The following MTO1 variants were observed in gnomAD, a reference collection of about 807,000 sequenced individuals.
MTO1 encodes the protein 5-taurinomethyluridine-[tRNA] synthase subunit MTO1, mitochondrial.
In MTO1, 46 loss-of-function variants were observed where a neutral mutation model predicts 71.6. The ratio of observed to expected loss-of-function variants is 0.64; its 90% CI spans 0.51 to 0.82. The LOEUF (loss-of-function observed/expected upper bound fraction) is 0.82, where lower values mean the gene tolerates loss of function less well. MTO1 is among the 40% of genes least tolerant of loss of function. The pLI, the probability that MTO1 is intolerant of heterozygous loss-of-function variation, is 0.00. For synonymous variants in MTO1, 297 were observed against 312.1 expected (o/e 0.95, Z 0.51); for missense variants, 773 against 867.5 (o/e 0.89, Z 1.37).
chr6:73,473,706 C>T lies in MTO1; in HGVS notation c.825+52C>T, dbSNP rs986742224. The T allele has an allele frequency of 1.5e-5, 20 of 1,375,176 alleles. No individual in the cohort carries two copies. Among genetic ancestry groups the T allele is most frequent in the Non-Finnish European group, 1.9e-5 (19 of 1,018,204 alleles). The allele number at this position is 1,375,176 out of a possible 1,614,324, so 85.2% of individuals were successfully genotyped here. A position where few individuals can be genotyped will look rare whatever the true frequency, so the allele number is the denominator to read the frequency against. ...TACAGCTGGTATTGGCTATTCACAG[C>T]AGGAAGTACTGTAACTTTTTTTTTT... is the stretch of plus-strand genomic sequence containing the variant. On this transcript the variant is annotated intron_variant, in intron 4 of 11. Transcript: ENST00000498286.
At chr6:73,473,785 GA>G (rs1314465851) in intron 4 of MTO1, 131 bp downstream of exon 4, 18 of 628,098 alleles carry the variant, frequency 2.9e-5, no homozygotes, top group Admixed American at 2.3e-4. Flanking sequence ...GCAAAGAAAT[GA>G]TTTTTTTTTT....
chr6:73,485,001 C>G (rs989848235), intron 9 of MTO1, among the ~76,000 whole-genome samples: 3 of 149,470 alleles, frequency 2.0e-5, no homozygotes, highest in Non-Finnish European at 4.4e-5. Context: ...GAGCCGAAAT[C>G]ACACCACTGC....
intron 4 of MTO1, 92 bp downstream of exon 4, chr6:73,473,746 G>T: frequency 2.0e-6 from 2 of 1,016,404 alleles, no homozygotes; most frequent in Non-Finnish European, 2.8e-6. Context: ...TTTGGCAGCA[G>T]TTCACTTTAT....
intron 9 of MTO1, among the ~76,000 whole-genome samples, chr6:73,488,549 A>G (rs1221929166): frequency 6.6e-6 from 1 of 152,020 alleles, no homozygotes; most frequent in Admixed American, 6.6e-5. Context: ...ATTTACAAAT[A>G]TTTTCTCCCA....
At position 73,480,072 on chromosome 6, in the gene MTO1, G is replaced by C; in HGVS notation, c.1075G>C (p.Glu359Gln). ...LSMTLPAELQ[E>Q]KMITCIRGLE... The stretch of plus-strand genomic sequence containing the variant: ...TATGACGCTACCAGCTGAGTTACAA[G>C]AGAAAATGATCACATGCATCAGAGG... Residue 359 changes from glutamate (E) to glutamine (Q), a missense_variant, in exon 6 of 12, where the codon GAG (glutamate) becomes CAG (glutamine). Coordinates refer to ENST00000498286, the MANE Select transcript of MTO1 (RefSeq NM_012123.4). 1 of 1,614,174 alleles carries C rather than the reference G, an allele frequency of 6.2e-7. No individual in the cohort carries two copies. Among genetic ancestry groups the C allele is most frequent in the East Asian group, 2.2e-5 (1 of 44,884 alleles).
chr6:73,471,144 C>T (rs1771151904), intron 3 of MTO1, among the ~76,000 whole-genome samples: 1 of 148,952 alleles, frequency 6.7e-6, no homozygotes. Flanking sequence ...ACACACTGTT[C>T]CTCTGTACCT....
intron 10 of MTO1, among the ~76,000 whole-genome samples, chr6:73,495,562 T>TA (rs970332003): frequency 9.1e-4 from 133 of 146,458 alleles, no homozygotes; most frequent in South Asian, 2.6e-3. Flanking sequence ...TATCATGGCT[T>TA]AAAAAAAAAA....
At position 73,508,886 on chromosome 6, in the gene MTO1, C is replaced by T. The variant is rs767294069; in HGVS notation, c.*8151C>T. 2.6e-5 allele frequency: 4 copies of T among 152,188 alleles called. No homozygotes were observed. Among genetic ancestry groups the T allele is most frequent in the Admixed American group, 6.6e-5 (1 of 15,264 alleles). 9.4% of individuals were successfully genotyped at this position (152,188 alleles called of 1,614,324 possible). On this transcript the variant is annotated 3_prime_UTR_variant, in exon 12 of 12. Coordinates refer to ENST00000498286, the MANE Select transcript of MTO1 (RefSeq NM_012123.4). ...ATGGGGACTGTAGGTCAATGCTCCA[C>T]GAGGTTCTTCTTTTGTTGCACCAAT...
At chr6:73,470,289 C>G (rs1202261773) in intron 3 of MTO1, among the ~76,000 whole-genome samples, 1 of 151,982 alleles carries the variant, frequency 6.6e-6, no homozygotes, top group Non-Finnish European at 1.5e-5. Flanking sequence ...TTACTGCAAC[C>G]TCTGCCCCCC....
intron 1 of MTO1, among the ~76,000 whole-genome samples, chr6:73,465,933 G>A (rs906723871): frequency 7.9e-5 from 12 of 152,088 alleles, no homozygotes; most frequent in African/African-American, 2.4e-4. Flanking sequence ...GCAGTGAGCC[G>A]AGATTGTACC....
chr6:73,503,806 A>G lies in MTO1; in HGVS notation c.*3071A>G, dbSNP rs1772221228. The G allele has an allele frequency of 6.6e-6, 1 of 152,246 alleles. No homozygotes were observed. Among genetic ancestry groups the G allele is most frequent in the South Asian group, 2.1e-4 (1 of 4,836 alleles). The allele number at this position is 152,246 out of a possible 1,614,324, so 9.4% of individuals were successfully genotyped here. A position where few individuals can be genotyped will look rare whatever the true frequency, so the allele number is the denominator to read the frequency against. ...TGAAGATACGAACCTATGCTAAATT[A>G]AACGATTATGGCCTTGAAAATGAAG... On this transcript the variant is annotated 3_prime_UTR_variant, in exon 12 of 12. Coordinates refer to ENST00000498286, the MANE Select transcript of MTO1 (RefSeq NM_012123.4).
intron 1 of MTO1, among the ~76,000 whole-genome samples, chr6:73,465,599 G>T (rs2150026844): frequency 6.6e-6 from 1 of 152,208 alleles, no homozygotes; most frequent in South Asian, 2.1e-4. Flanking sequence ...AAGTATACTT[G>T]GTTTAGAAAG....
chr6:73,489,277 T>C (rs1470175449), intron 9 of MTO1, among the ~76,000 whole-genome samples: 2 of 84,442 alleles, frequency 2.4e-5, no homozygotes, highest in Non-Finnish European at 5.4e-5. Flanking sequence ...TTTCTTTTTT[T>C]CTTTTTTTTT....
chr6:73,463,190 AT>A (rs1349875472), intron 1 of MTO1, among the ~76,000 whole-genome samples: 1 of 148,660 alleles, frequency 6.7e-6, no homozygotes, highest in Non-Finnish European at 1.5e-5. Context: ...CGCCCGGCTA[AT>A]TTTTTTTTTC....
intron 3 of MTO1, among the ~76,000 whole-genome samples, chr6:73,470,032 T>G (rs1025787597): frequency 2.6e-5 from 4 of 151,988 alleles, no homozygotes; most frequent in African/African-American, 9.7e-5. Context: ...GAACCAGCCT[T>G]TTGGTTTGGT....
chr6:73,474,205 G>T (rs1451991826), intron 4 of MTO1, among the ~76,000 whole-genome samples: 1 of 151,334 alleles, frequency 6.6e-6, no homozygotes, highest in African/African-American at 2.4e-5. Context: ...CAGTTCTTCT[G>T]CCTCAGCCTC....
rs893430256 is a variant in MTO1, at chr6:73,504,799, T to C, written c.*4064T>C. 6 of 152,014 alleles carry C rather than the reference T, an allele frequency of 3.9e-5. No individual in the cohort carries two copies. The highest frequency in any genetic ancestry group is 1.5e-4 in the African/African-American group (6 of 41,350). The allele number at this position is 152,014 out of a possible 1,614,324, so 9.4% of individuals were successfully genotyped here. On this transcript the variant is annotated 3_prime_UTR_variant, in exon 12 of 12. Coordinates refer to ENST00000498286, the MANE Select transcript of MTO1 (RefSeq NM_012123.4). Reference sequence around the variant, plus strand: ...CAACTTGGGGGCTGAGGCAGGAGAATCACTTGAGCCGGGGAGTTTGAGGCT... The same window carrying C: ...CAACTTGGGGGCTGAGGCAGGAGAACCACTTGAGCCGGGGAGTTTGAGGCT...
chr6:73,498,220 A>G (rs894423944), intron 11 of MTO1, among the ~76,000 whole-genome samples: 1 of 152,062 alleles, frequency 6.6e-6, no homozygotes, highest in Non-Finnish European at 1.5e-5. Flanking sequence ...CAAAAAAAAA[A>G]GAAACTTGAC....
At position 73,482,627 on chromosome 6, in the gene MTO1, A is replaced by C; in HGVS notation, c.1637+7A>C. 1.3e-6 allele frequency: 2 copies of C among 1,583,192 alleles called. No individual in the cohort carries two copies. The highest frequency in any genetic ancestry group is 1.7e-6 in the Non-Finnish European group (2 of 1,169,440). On this transcript the variant is annotated splice_region_variant and intron_variant, in intron 9 of 11. Transcript: ENST00000498286. ...GTAGAAGTCTGCCTGTCAGGTATGC[A>C]TTTTTAATATAGACCTTTCTCACTT...
Sources: gnomAD v4.1 joint callset for allele counts (sites outside exome capture counted in the v4.1 genomes callset) on GRCh38, gnomAD v4.1.1 for gene constraint, MANE v1.5 for transcripts, NCBI Gene and HGNC (gene_info 2026-07-23, HGNC 2026-07-21) for gene names.